The following SRGAP1 variants were observed in gnomAD, a reference collection of about 807,000 sequenced individuals.
The protein encoded by SRGAP1 is SLIT-ROBO Rho GTPase-activating protein 1.
In SRGAP1, 43 loss-of-function variants were observed where a neutral mutation model predicts 121.9. The observed-to-expected ratio is 0.35, with a 90% CI of 0.28 to 0.46. The LOEUF is 0.46. Ranked by LOEUF, SRGAP1 falls within the 20% of genes least tolerant of loss-of-function variation. SRGAP1 has a pLI of 1.00. For missense variants in SRGAP1, 1,102 were observed against 1,350.9 expected (o/e 0.82, Z 2.89); for synonymous variants, 447 against 485.4 (o/e 0.92, Z 1.04).
intron 3 of SRGAP1, among the ~76,000 whole-genome samples, chr12:64,012,632 A>G (rs922515154): frequency 1.5e-5 from 2 of 130,266 alleles, no homozygotes; most frequent in African/African-American, 6.1e-5. Context: ...AGCTCACTGC[A>G]GCCTCGAACT....
At position 64,091,309 on chromosome 12, in the gene SRGAP1, C is replaced by A. The variant is rs1291273862; in HGVS notation, c.1470C>A (p.His490Gln). 5 of 1,610,112 alleles carry A rather than the reference C, an allele frequency of 3.1e-6. No homozygotes were observed. The part of the protein sequence containing the change: ...PPNVPPKPQK[H>Q]RKSRPRSQYN... ...ATGTTCCCCCTAAGCCCCAGAAACA[C>A]AGGAAGTCCAGGCCCCGCTCACAGT... The change falls in exon 12 of 22, where the codon CAC (histidine) becomes CAA (glutamine). Residue 490 changes from histidine (H) to glutamine (Q), a missense_variant. Around this residue, in one of 3 missense-constraint regions of SRGAP1, gnomAD observed 747 missense variants for 929.4 expected, o/e 0.80. Coordinates refer to ENST00000355086, the MANE Select transcript of SRGAP1 (RefSeq NM_020762.4).
chr12:63,980,097 C>T (rs1000459120), intron 1 of SRGAP1, among the ~76,000 whole-genome samples: 16 of 152,208 alleles, frequency 1.1e-4, no homozygotes, highest in Non-Finnish European at 7.3e-5. Context: ...GTTGTCCGGG[C>T]TGGAGTGCCA....
At chr12:63,871,923 C>G in intron 1 of SRGAP1, 1 of 1,375,044 alleles carries the variant, frequency 7.3e-7, no homozygotes, top group Admixed American at 1.7e-5. Flanking sequence ...ACCATAGCCA[C>G]TCTGCTTCTG....
Position 63,897,564 on chromosome 12 carries a change from A to G in SRGAP1, c.67+52681A>G, listed in dbSNP as rs553401610. 2.0e-5 allele frequency among the ~76,000 whole-genome samples: 3 copies of G among 152,366 alleles called. No individual in the cohort carries two copies. The South Asian group carries it at 6.2e-4, about 32-fold the overall frequency. On this transcript the variant is annotated intron_variant, in intron 1 of 21. Transcript: ENST00000355086. ...AAGGAATTCAGTTAGCCTTCTATTT[A>G]GGCCGTAACTCCGACATGCTCTCAA...
At chr12:63,930,293 C>G (rs543684822) in intron 1 of SRGAP1, among the ~76,000 whole-genome samples, 2 of 137,628 alleles carry the variant, frequency 1.5e-5, no homozygotes, top group Non-Finnish European at 3.0e-5. Context: ...GAGTTTGAGA[C>G]CAGTCTGGCC....
Position 64,032,622 on chromosome 12 carries a change from C to A in SRGAP1, c.490-10168C>A. On this transcript the variant is annotated intron_variant, in intron 4 of 21. Transcript: ENST00000355086. ...ACAGCTGACAACAAGCCCCCACAGT[C>A]ACTTTTTAAATTCTGGATGACGTGA... The A allele has an allele frequency of 1.2e-5, 5 of 430,366 alleles. No homozygotes were observed. In the South Asian group the frequency reaches 1.5e-4, roughly 13 times the overall value. The allele number at this position is 430,366 out of a possible 1,614,324, so 26.7% of individuals were successfully genotyped here.
intron 3 of SRGAP1, among the ~76,000 whole-genome samples, chr12:64,000,275 T>A (rs1367217248): frequency 4.5e-5 from 6 of 133,380 alleles, no homozygotes; most frequent in Middle Eastern, 4.0e-3. Context: ...TGTGTGTGTG[T>A]AAAAAAAAAA....
At chr12:64,124,786 A>G (rs1335530532) in intron 18 of SRGAP1, among the ~76,000 whole-genome samples, 1 of 151,954 alleles carries the variant, frequency 6.6e-6, no homozygotes, top group Non-Finnish European at 1.5e-5. Flanking sequence ...TTTCTAACTT[A>G]TTATTTTGAA....
At chr12:63,979,909 C>G in intron 1 of SRGAP1, among the ~76,000 whole-genome samples, 1 of 152,148 alleles carries the variant, frequency 6.6e-6, no homozygotes, top group East Asian at 1.9e-4. Context: ...TCAAACTCAC[C>G]CCTTGCACTT....
At chr12:64,078,356 A>G (rs1468486978) in intron 8 of SRGAP1, among the ~76,000 whole-genome samples, 1 of 152,246 alleles carries the variant, frequency 6.6e-6, no homozygotes, top group Non-Finnish European at 1.5e-5. Flanking sequence ...AAATGAGTGT[A>G]TCTCACGTTG....
chr12:64,110,272 A>C (rs930894588), intron 16 of SRGAP1, among the ~76,000 whole-genome samples: 1 of 152,172 alleles, frequency 6.6e-6, no homozygotes, highest in Non-Finnish European at 1.5e-5. Flanking sequence ...CACCTGAACA[A>C]AATCCACTGT....
intron 3 of SRGAP1, among the ~76,000 whole-genome samples, chr12:63,992,049 C>T (rs112669712): frequency 5.9e-5 from 9 of 152,238 alleles, no homozygotes; most frequent in African/African-American, 1.9e-4. Context: ...ATTCATCTAA[C>T]AGAAGGACAA....
chr12:64,032,406 C>A, intron 4 of SRGAP1: 1 of 580,140 alleles, frequency 1.7e-6, no homozygotes, highest in South Asian at 1.8e-5. Flanking sequence ...AAAAACTCTG[C>A]CTCATCAGTC....
At chr12:64,107,625 C>G (rs1343246707) in intron 15 of SRGAP1, among the ~76,000 whole-genome samples, 1 of 151,970 alleles carries the variant, frequency 6.6e-6, no homozygotes, top group East Asian at 1.9e-4. Context: ...TGAGAGTTAT[C>G]CACATTTATA....
At chr12:64,068,444 C>T (rs2035580506) in intron 8 of SRGAP1, among the ~76,000 whole-genome samples, 1 of 151,776 alleles carries the variant, frequency 6.6e-6, no homozygotes, top group Non-Finnish European at 1.5e-5. Flanking sequence ...AGGTGATCCT[C>T]CCACCTCAGC....
rs1345594080 is a variant in SRGAP1, at chr12:63,930,329, A to G, written c.68-53618A>G. 6.2e-5 allele frequency among the ~76,000 whole-genome samples: 7 copies of G among 112,308 alleles called. No individual in the cohort carries two copies. In the East Asian group the frequency reaches 1.5e-3, roughly 24 times the overall value. The allele number at this position is 112,308 out of a possible 152,430, so 73.7% of individuals were successfully genotyped here. On this transcript the variant is annotated intron_variant, in intron 1 of 21. Coordinates refer to ENST00000355086, the MANE Select transcript of SRGAP1 (RefSeq NM_020762.4). ...AACATGGTGAAACATCGTCTCTACT[A>G]AAAAAAAAAAAAAAAAAAAAAAAGG...
intron 1 of SRGAP1, among the ~76,000 whole-genome samples, chr12:63,914,732 A>T (rs189882116): frequency 3.3e-5 from 5 of 152,210 alleles, no homozygotes; most frequent in Admixed American, 2.6e-4. Flanking sequence ...GGAAAACCCT[A>T]CAAGTTTCTG....
chr12:64,112,068 C>A, intron 17 of SRGAP1, 82 bp downstream of exon 17: 1 of 1,141,128 alleles, frequency 8.8e-7, no homozygotes, highest in Non-Finnish European at 1.3e-6. Context: ...GAAAGAGTTT[C>A]CCATAAGCCA....
chr12:63,999,120 G>A (rs1298435636), intron 3 of SRGAP1, among the ~76,000 whole-genome samples: 1 of 152,120 alleles, frequency 6.6e-6, no homozygotes, highest in Non-Finnish European at 1.5e-5. Context: ...TGGTAAAGGA[G>A]CAGAAAACTC....
Sources: allele counts gnomAD v4.1 joint callset (sites outside exome capture counted in the v4.1 genomes callset), GRCh38; gene constraint gnomAD v4.1.1; regional missense constraint gnomAD v4.1.1; transcripts MANE v1.5; gene names NCBI Gene and HGNC (gene_info 2026-07-23, HGNC 2026-07-21).